Variants in DNAJC24 observed in about 807,000 individuals in gnomAD.
DNAJC24 encodes the protein DnaJ heat shock protein family (Hsp40) member C24, also known as dnaJ homolog subfamily C member 24.
DNAJC24 carries 17 observed loss-of-function variants against 18.0 expected under a neutral mutation model. The observed-to-expected ratio is 0.94, with a 90% CI of 0.65 to 1.42. The LOEUF (loss-of-function observed/expected upper bound fraction) is 1.42, where lower values mean the gene tolerates loss of function less well. Among genes scored for constraint, DNAJC24 ranks in the 40% most tolerant of loss-of-function variants. DNAJC24 has a pLI of 0.00. For missense variants in DNAJC24, 158 were observed against 175.6 expected (o/e 0.90, Z 0.57); for synonymous variants, 55 against 57.7 (o/e 0.95, Z 0.21).
At chr11:31,423,279 G>A (rs1328304990) in intron 3 of DNAJC24, among the ~76,000 whole-genome samples, 4 of 151,980 alleles carry the variant, frequency 2.6e-5, no homozygotes, top group Non-Finnish European at 2.9e-5. Flanking sequence ...TTTTGTTTTC[G>A]AGACGGAGTC....
At chr11:31,372,541 A>G (rs1952275763) in intron 2 of DNAJC24, among the ~76,000 whole-genome samples, 1 of 135,806 alleles carries the variant, frequency 7.4e-6, no homozygotes, top group African/African-American at 2.5e-5. Flanking sequence ...CACTCAGTTA[A>G]TTGGGAAATG....
At chr11:31,380,226 A>G (rs893514030) in intron 2 of DNAJC24, among the ~76,000 whole-genome samples, 2 of 152,248 alleles carry the variant, frequency 1.3e-5, no homozygotes, top group Non-Finnish European at 2.9e-5. Context: ...AGCTAAAAGA[A>G]TCATAGAATG....
chr11:31,393,522 G>A (rs1952517881), intron 2 of DNAJC24, among the ~76,000 whole-genome samples: 1 of 152,040 alleles, frequency 6.6e-6, no homozygotes, highest in African/African-American at 2.4e-5. Context: ...GTAGGATTGG[G>A]GCCATTAGAA....
chr11:31,431,513 T>G lies in DNAJC24; in HGVS notation c.*1112T>G, dbSNP rs1952923804. On this transcript the variant is annotated 3_prime_UTR_variant, in exon 5 of 5. Coordinates refer to ENST00000465995, the MANE Select transcript of DNAJC24 (RefSeq NM_181706.5). ...CATTATTTCCCCTTTTATTTTGGAG[T>G]GTTGATATAATATTGGGGCCAGGCA... 2 of 150,506 alleles carry G rather than the reference T, an allele frequency of 1.3e-5. No homozygotes were observed. Among genetic ancestry groups the G allele is most frequent in the South Asian group, 4.3e-4 (2 of 4,694 alleles). 9.3% of individuals were successfully genotyped at this position (150,506 alleles called of 1,614,324 possible).
Position 31,430,274 on chromosome 11 carries a change from A to G in DNAJC24, c.323A>G (p.Asp108Gly), listed in dbSNP as rs1448573419. 2.3e-5 allele frequency: 37 copies of G among 1,603,716 alleles called. No homozygotes were observed. Among genetic ancestry groups the G allele is most frequent in the Non-Finnish European group, 3.2e-5 (37 of 1,173,608 alleles). The change falls in exon 5 of 5, where the codon GAT (aspartate) becomes GGT (glycine). Residue 108 changes from aspartate to glycine, a missense_variant. Physicochemically the swap from Asp to Gly is moderately conservative, Grantham distance 94 (BLOSUM62 -1). Coordinates refer to ENST00000465995, the MANE Select transcript of DNAJC24 (RefSeq NM_181706.5). ...ATTATTTTGTTTTCTTTTGCAGGTG[A>G]TCACTCTTTTTATCTGAGTTGCAGA... ...YLEEMSWNEG[D>G]HSFYLSCRCG...
At position 31,380,154 on chromosome 11, in the gene DNAJC24, A is replaced by T. The variant is rs16922124; in HGVS notation, c.111+9295A>T. ...CTATGAAGAGATGATTTAGGGCATT[A>T]TTATATTTATCACATAGTCTAGCTT... On this transcript the variant is annotated intron_variant, in intron 2 of 4. Transcript: ENST00000465995. Among the ~76,000 whole-genome samples, 842 of 152,314 alleles carry T rather than the reference A, an allele frequency of 5.5e-3. 7 individuals are homozygous for T. The highest frequency in any genetic ancestry group is 0.019 in the African/African-American group (798 of 41,564).
At chr11:31,372,027 T>C (rs1952269197) in intron 2 of DNAJC24, among the ~76,000 whole-genome samples, 1 of 151,936 alleles carries the variant, frequency 6.6e-6, no homozygotes, top group Non-Finnish European at 1.5e-5. Flanking sequence ...TTCATCATAT[T>C]GGTCAGGCTG....
intron 2 of DNAJC24, chr11:31,374,022 A>T (rs1364581773): frequency 6.3e-6 from 2 of 317,470 alleles, no homozygotes; most frequent in Non-Finnish European, 1.3e-5. Context: ...TGCCAACACA[A>T]TTATGTCATT....
At chr11:31,404,007 C>A (rs1435386893) in intron 2 of DNAJC24, among the ~76,000 whole-genome samples, 2 of 152,124 alleles carry the variant, frequency 1.3e-5, no homozygotes, top group Admixed American at 6.5e-5. Flanking sequence ...TCCTGTCTCC[C>A]CTTTTTAGAC....
rs1308321508 is a variant in DNAJC24, at chr11:31,432,350, A to G, written c.*1949A>G. The G allele has an allele frequency of 5.4e-6, 3 of 551,498 alleles. No individual in the cohort carries two copies. The highest frequency in any genetic ancestry group is 3.4e-5 in the Admixed American group (1 of 29,098). The allele number at this position is 551,498 out of a possible 1,614,324, so 34.2% of individuals were successfully genotyped here. A position where few individuals can be genotyped will look rare whatever the true frequency, so the allele number is the denominator to read the frequency against. On this transcript the variant is annotated 3_prime_UTR_variant, in exon 5 of 5. Coordinates refer to ENST00000465995, the MANE Select transcript of DNAJC24 (RefSeq NM_181706.5). Reference sequence around the variant, plus strand: ...ATATTTTGAACTAACAGAACTTGGCAGAATGTGTGTTGAATATTCTTTACA... The same window carrying G: ...ATATTTTGAACTAACAGAACTTGGCGGAATGTGTGTTGAATATTCTTTACA...
chr11:31,386,487 A>G (rs1053327738), intron 2 of DNAJC24, among the ~76,000 whole-genome samples: 14 of 151,906 alleles, frequency 9.2e-5, no homozygotes, highest in African/African-American at 3.4e-4. Flanking sequence ...ACATTTCTAG[A>G]CACACCATGA....
At chr11:31,401,310 G>T (rs1333298912) in intron 2 of DNAJC24, among the ~76,000 whole-genome samples, 1 of 152,098 alleles carries the variant, frequency 6.6e-6, no homozygotes, top group Non-Finnish European at 1.5e-5. Flanking sequence ...TTCTTTATTT[G>T]AAAAACACCA....
chr11:31,390,386 ACT>A (rs2133477363), intron 2 of DNAJC24, among the ~76,000 whole-genome samples: 1 of 118,278 alleles, frequency 8.5e-6, no homozygotes, highest in African/African-American at 3.5e-5. Flanking sequence ...ACAGAGCAAG[ACT>A]CTATCTCAAA....
At chr11:31,380,104 C>T (rs1564946885) in intron 2 of DNAJC24, among the ~76,000 whole-genome samples, 1 of 152,130 alleles carries the variant, frequency 6.6e-6, no homozygotes, top group Non-Finnish European at 1.5e-5. Context: ...TAATTATCAT[C>T]TGACTTACCT....
At chr11:31,397,502 A>G (rs977309412) in intron 2 of DNAJC24, among the ~76,000 whole-genome samples, 3 of 147,990 alleles carry the variant, frequency 2.0e-5, no homozygotes, top group Non-Finnish European at 4.5e-5. Context: ...TTCAGCTTTC[A>G]TAATCTTAAT....
chr11:31,408,588 G>A (rs1036280055), intron 2 of DNAJC24, among the ~76,000 whole-genome samples: 11 of 152,180 alleles, frequency 7.2e-5, no homozygotes, highest in Non-Finnish European at 1.5e-4. Flanking sequence ...ACTTATCCAT[G>A]AAATAGTCAT....
intron 2 of DNAJC24, among the ~76,000 whole-genome samples, chr11:31,386,069 A>C (rs1184385785): frequency 6.6e-6 from 1 of 152,188 alleles, no homozygotes; most frequent in Admixed American, 6.5e-5. Context: ...GACAGAGGCA[A>C]GTTTTCTATC....
chr11:31,395,189 A>G (rs903533374), intron 2 of DNAJC24, among the ~76,000 whole-genome samples: 1 of 152,138 alleles, frequency 6.6e-6, no homozygotes, highest in South Asian at 2.1e-4. Flanking sequence ...ATCTCCATTC[A>G]TGTTGCTGGA....
At chr11:31,373,661 G>A (rs1482866244) in intron 2 of DNAJC24, among the ~76,000 whole-genome samples, 1 of 134,768 alleles carries the variant, frequency 7.4e-6, no homozygotes, top group Middle Eastern at 3.6e-3. Context: ...TTTCAACTGG[G>A]ATTGCAATAA....
Sources: gnomAD v4.1 joint callset for allele counts (sites outside exome capture counted in the v4.1 genomes callset) on GRCh38, gnomAD v4.1.1 for gene constraint, MANE v1.5 for transcripts, NCBI Gene and HGNC (gene_info 2026-07-23, HGNC 2026-07-21) for gene names.